TBL1XR1: variants seen among roughly 807,000 people sequenced by gnomAD.
TBL1XR1 encodes F-box-like/WD repeat-containing protein TBL1XR1.
Under a neutral mutation model 66.9 loss-of-function variants are expected in TBL1XR1, and 5 were observed. The ratio of observed to expected loss-of-function variants is 0.07; its 90% CI spans 0.04 to 0.16. The LOEUF (loss-of-function observed/expected upper bound fraction) is 0.16. TBL1XR1 is among the 10% of genes least tolerant of loss of function. TBL1XR1 has a pLI of 1.00. For missense variants in TBL1XR1, 238 were observed against 623.2 expected, an observed-to-expected ratio of 0.38 and a Z score of 6.58; for synonymous variants, 210 against 206.0, an observed-to-expected ratio of 1.02 and a Z score of -0.17.
intron 2 of TBL1XR1, among the ~76,000 whole-genome samples, chr3:177,093,744 T>C (rs976478141): frequency 1.3e-5 from 2 of 152,130 alleles, no homozygotes; most frequent in East Asian, 3.8e-4. Context: ...ATTCAACAAA[T>C]GGTGCTGGGA....
chr3:177,165,239 G>A (rs188999721), intron 1 of TBL1XR1, among the ~76,000 whole-genome samples: 298 of 152,218 alleles, frequency 2.0e-3, no homozygotes, highest in Middle Eastern at 6.8e-3. Context: ...AAAGTCAATC[G>A]CTTCCCAATT....
chr3:177,159,249 A>G (rs1224163134), intron 1 of TBL1XR1, among the ~76,000 whole-genome samples: 1 of 152,174 alleles, frequency 6.6e-6, no homozygotes, highest in Non-Finnish European at 1.5e-5. Context: ...CTCACTTCCA[A>G]TACTGAAAGA....
intron 1 of TBL1XR1, among the ~76,000 whole-genome samples, chr3:177,157,566 C>G (rs1039796405): frequency 6.6e-6 from 1 of 152,190 alleles, no homozygotes; most frequent in Non-Finnish European, 1.5e-5. Context: ...CTTGGCATCA[C>G]TCTCTGCATC....
intron 2 of TBL1XR1, among the ~76,000 whole-genome samples, chr3:177,084,105 A>AAAAAG (rs905266173): frequency 3.3e-5 from 5 of 151,720 alleles, no homozygotes; most frequent in African/African-American, 7.3e-5. Context: ...AAAAAAAAGA[A>AAAAAG]AAAAGAAAAG....
intron 10 of TBL1XR1, among the ~76,000 whole-genome samples, chr3:177,040,239 G>T (rs1427206450): frequency 6.6e-6 from 1 of 152,104 alleles, no homozygotes; most frequent in Admixed American, 6.6e-5. Context: ...TGCTTGAGCT[G>T]GGGAGGCCGA....
At chr3:177,141,038 A>G (rs1022590390) in intron 1 of TBL1XR1, among the ~76,000 whole-genome samples, 4 of 152,172 alleles carry the variant, frequency 2.6e-5, no homozygotes, top group African/African-American at 9.7e-5. Flanking sequence ...AAATAATAAT[A>G]TATTTAACTG....
At chr3:177,112,879 TG>T (rs1725827356) in intron 1 of TBL1XR1, among the ~76,000 whole-genome samples, 1 of 152,046 alleles carries the variant, frequency 6.6e-6, no homozygotes, top group Admixed American at 6.6e-5. Flanking sequence ...ACCATGTGCC[TG>T]GAGTCGCAGC....
chr3:177,038,374 A>G lies in TBL1XR1; in HGVS notation c.986T>C (p.Met329Thr). 6.3e-7 allele frequency: 1 copy of G among 1,586,226 alleles called. No individual in the cohort carries two copies. Reference sequence around the variant, plus strand: ...TCCTAATTTACAGACATGAATGCACATATCTGTACTACAAGAAGCAAAGGT... The same window carrying G: ...TCCTAATTTACAGACATGAATGCACGTATCTGTACTACAAGAAGCAAAGGT... ...NNTFASCSTD[M>T]CIHVCKLGQD... Residue 329 changes from methionine (M) to threonine (T), a missense_variant, in exon 11 of 16, where the codon ATG becomes ACG. Physicochemically the swap from Met to Thr is moderately conservative, Grantham distance 81. This residue lies in a region of TBL1XR1 where 89 missense variants were observed against 220.2 expected (regional missense o/e 0.40). Coordinates refer to ENST00000457928, the MANE Select transcript of TBL1XR1 (RefSeq NM_024665.7).
intron 1 of TBL1XR1, among the ~76,000 whole-genome samples, chr3:177,114,916 T>C (rs1157997611): frequency 2.0e-5 from 3 of 152,068 alleles, no homozygotes; most frequent in Non-Finnish European, 2.9e-5. Flanking sequence ...GAGTTTGAGG[T>C]TGCAGTGAGC....
intron 1 of TBL1XR1, among the ~76,000 whole-genome samples, chr3:177,108,542 A>T (rs543946925): frequency 2.0e-5 from 3 of 152,226 alleles, no homozygotes; most frequent in Non-Finnish European, 4.4e-5. Context: ...TATTGTAAAG[A>T]AAATAAACTA....
chr3:177,094,385 T>C (rs1291089369), intron 2 of TBL1XR1, among the ~76,000 whole-genome samples: 5 of 152,208 alleles, frequency 3.3e-5, no homozygotes, highest in Admixed American at 3.3e-4. Flanking sequence ...GAATGTAAAC[T>C]AGTACAACCA....
chr3:177,154,351 T>G (rs947112446), intron 1 of TBL1XR1, among the ~76,000 whole-genome samples: 2 of 152,134 alleles, frequency 1.3e-5, no homozygotes, highest in African/African-American at 4.8e-5. Flanking sequence ...ATTCTAAATG[T>G]GTGTACCTAA....
chr3:177,182,482 G>C (rs894685860), intron 1 of TBL1XR1, among the ~76,000 whole-genome samples: 2 of 152,122 alleles, frequency 1.3e-5, no homozygotes, highest in Non-Finnish European at 2.9e-5. Context: ...TTGTATATGT[G>C]AATCACTCAC....
At chr3:177,111,895 T>C (rs957460316) in intron 1 of TBL1XR1, among the ~76,000 whole-genome samples, 7 of 151,282 alleles carry the variant, frequency 4.6e-5, no homozygotes, top group African/African-American at 1.7e-4. Context: ...AGGGTGCCAG[T>C]GGTCTTAGGC....
At chr3:177,087,732 G>A (rs1010181062) in intron 2 of TBL1XR1, among the ~76,000 whole-genome samples, 14 of 151,736 alleles carry the variant, frequency 9.2e-5, no homozygotes, top group Admixed American at 5.3e-4. Flanking sequence ...TCCACTGGAC[G>A]GATGGATGAA....
At chr3:177,141,590 G>A (rs1168825645) in intron 1 of TBL1XR1, among the ~76,000 whole-genome samples, 1 of 152,168 alleles carries the variant, frequency 6.6e-6, no homozygotes, top group Non-Finnish European at 1.5e-5. Flanking sequence ...AGCTGTATTT[G>A]GTGAATAGAA....
At chr3:177,140,359 A>G (rs1182322899) in intron 1 of TBL1XR1, among the ~76,000 whole-genome samples, 2 of 152,196 alleles carry the variant, frequency 1.3e-5, no homozygotes, top group Admixed American at 6.5e-5. Flanking sequence ...CCCCAAATGC[A>G]TGCTACCAAC....
intron 2 of TBL1XR1, among the ~76,000 whole-genome samples, chr3:177,089,324 C>T (rs1460775536): frequency 6.6e-6 from 1 of 152,144 alleles, no homozygotes; most frequent in Non-Finnish European, 1.5e-5. Context: ...ACCCTGAGGC[C>T]AAACAGCAGG....
intron 1 of TBL1XR1, among the ~76,000 whole-genome samples, chr3:177,123,606 T>TG: frequency 6.6e-6 from 1 of 152,024 alleles, no homozygotes; most frequent in East Asian, 1.9e-4. Context: ...TATTTTACTT[T>TG]GAAGTTTCAG....
Sources: allele counts gnomAD v4.1 joint callset (sites outside exome capture counted in the v4.1 genomes callset), GRCh38; gene constraint gnomAD v4.1.1; regional missense constraint gnomAD v4.1.1; transcripts MANE v1.5; gene names NCBI Gene and HGNC (gene_info 2026-07-23, HGNC 2026-07-21).